Variants in ZCWPW2 observed in about 807,000 individuals in gnomAD.
The protein encoded by ZCWPW2 is zinc finger CW-type PWWP domain protein 2.
In ZCWPW2, 45 loss-of-function variants were observed where a neutral mutation model predicts 46.6. That is an observed-to-expected ratio of 0.96 (90% CI 0.76 to 1.24). The LOEUF is 1.24. ZCWPW2 is among the 50% of genes most tolerant of loss of function. The probability of loss-of-function intolerance (pLI) is 0.00; values close to 1 mark genes in which losing one functional copy is unlikely to be tolerated. For synonymous variants in ZCWPW2, 152 were observed against 137.1 expected (o/e 1.11, Z -0.76); for missense variants, 429 against 403.9 (o/e 1.06, Z -0.53).
intron 4 of ZCWPW2, among the ~76,000 whole-genome samples, chr3:28,443,769 A>C (rs566102348): frequency 6.6e-6 from 1 of 152,304 alleles, no homozygotes; most frequent in South Asian, 2.1e-4. Flanking sequence ...CATACAGAGA[A>C]GAGCAATTAC....
At chr3:28,496,677 A>AAATATTAT in intron 6 of ZCWPW2, among the ~76,000 whole-genome samples, 1 of 152,098 alleles carries the variant, frequency 6.6e-6, no homozygotes, top group East Asian at 1.9e-4. Context: ...GTTTTATATA[A>AAATATTAT]AATATTATAG....
chr3:28,476,759 G>A (rs898153427), intron 4 of ZCWPW2, among the ~76,000 whole-genome samples: 1 of 152,140 alleles, frequency 6.6e-6, no homozygotes, highest in African/African-American at 2.4e-5. Context: ...CACTGAGCTT[G>A]TTTTCCCGCA....
Position 28,384,610 on chromosome 3 carries a change from C to CTTTTT in ZCWPW2, c.-133-5885_-133-5884insTTTTT, listed in dbSNP as rs201820223. On this transcript the variant is annotated intron_variant, in intron 1 of 9. Transcript: ENST00000383768. ...GACACATTCAAGTTGACCAATCTTT[C>CTTTTT]TTTCTTTTTTTTTTTTTTTTGAGAC... Among the ~76,000 whole-genome samples, 5 of 143,524 alleles carry CTTTTT rather than the reference C, an allele frequency of 3.5e-5. 1 individual carries two copies. The highest frequency in any genetic ancestry group is 5.1e-5 in the African/African-American group (2 of 39,170). The allele number at this position is 143,524 out of a possible 152,430, so 94.2% of individuals were successfully genotyped here. A position where few individuals can be genotyped will look rare whatever the true frequency, so the allele number is the denominator to read the frequency against.
chr3:28,467,374 A>G (rs1698864384), intron 4 of ZCWPW2, among the ~76,000 whole-genome samples: 3 of 152,062 alleles, frequency 2.0e-5, no homozygotes, highest in Admixed American at 2.0e-4. Flanking sequence ...GTCAGTAAGA[A>G]AAAGACCATT....
intron 3 of ZCWPW2, among the ~76,000 whole-genome samples, chr3:28,421,830 TAGTTTGTG>T (rs1466421171): frequency 8.5e-6 from 1 of 117,706 alleles, no homozygotes; most frequent in African/African-American, 3.2e-5. Flanking sequence ...TGTTGGAGAA[TAGTTTGTG>T]TGTGTGTGTG....
At chr3:28,393,510 C>A (rs1695578207) in intron 2 of ZCWPW2, among the ~76,000 whole-genome samples, 1 of 152,006 alleles carries the variant, frequency 6.6e-6, no homozygotes, top group South Asian at 2.1e-4. Flanking sequence ...AGGTCAATAT[C>A]CCTGATGAAC....
intron 1 of ZCWPW2, among the ~76,000 whole-genome samples, chr3:28,365,294 G>C (rs555983923): frequency 7.4e-6 from 1 of 134,628 alleles, no homozygotes; most frequent in Non-Finnish European, 1.7e-5. Flanking sequence ...TAACATTTAA[G>C]TCTTTAATCC....
At chr3:28,405,708 G>A (rs143288305) in intron 2 of ZCWPW2, among the ~76,000 whole-genome samples, 21 of 151,874 alleles carry the variant, frequency 1.4e-4, no homozygotes, top group African/African-American at 3.9e-4. Flanking sequence ...ACTCCTGACC[G>A]TGTGATCTGC....
intron 4 of ZCWPW2, among the ~76,000 whole-genome samples, chr3:28,436,328 T>C (rs1312899627): frequency 6.9e-6 from 1 of 144,812 alleles, no homozygotes; most frequent in Non-Finnish European, 1.5e-5. Context: ...TTTTTCTTTT[T>C]TTTTTTTTTT....
At chr3:28,516,515 C>T (rs1004776626) in intron 8 of ZCWPW2, among the ~76,000 whole-genome samples, 18 of 152,084 alleles carry the variant, frequency 1.2e-4, no homozygotes, top group African/African-American at 4.3e-4. Context: ...AGGCAATTTC[C>T]TCCTTCTACA....
At chr3:28,357,280 T>C (rs910645205) in intron 1 of ZCWPW2, among the ~76,000 whole-genome samples, 5 of 152,214 alleles carry the variant, frequency 3.3e-5, no homozygotes, top group Non-Finnish European at 7.3e-5. Flanking sequence ...ATTTTTCAAA[T>C]ACGTTGTGTA....
chr3:28,412,605 A>G (rs908402704), intron 2 of ZCWPW2, among the ~76,000 whole-genome samples: 2 of 152,004 alleles, frequency 1.3e-5, no homozygotes, highest in Non-Finnish European at 2.9e-5. Flanking sequence ...TCTTAGCTTC[A>G]GTTTTGTCTG....
intron 4 of ZCWPW2, among the ~76,000 whole-genome samples, chr3:28,452,957 AT>A (rs1470067894): frequency 6.6e-6 from 1 of 152,198 alleles, no homozygotes; most frequent in Non-Finnish European, 1.5e-5. Flanking sequence ...CTAGTTGATC[AT>A]CTTATTCTTT....
At chr3:28,434,484 T>G (rs190903034) in intron 3 of ZCWPW2, among the ~76,000 whole-genome samples, 2 of 152,230 alleles carry the variant, frequency 1.3e-5, no homozygotes, top group African/African-American at 2.4e-5. Flanking sequence ...ATGTTTGTTT[T>G]TAATAAAGAA....
At chr3:28,434,903 A>G (rs1349140760) in intron 3 of ZCWPW2, among the ~76,000 whole-genome samples, 1 of 152,074 alleles carries the variant, frequency 6.6e-6, no homozygotes, top group Non-Finnish European at 1.5e-5. Context: ...TAAACTTGTG[A>G]CCATTTCAAA....
chr3:28,496,981 CG>C (rs928933876), intron 6 of ZCWPW2, among the ~76,000 whole-genome samples: 8 of 149,672 alleles, frequency 5.3e-5, no homozygotes, highest in African/African-American at 2.0e-4. Flanking sequence ...TATATAAATA[CG>C]TAAGTACTTA....
At chr3:28,480,161 G>A (rs923328324) in intron 5 of ZCWPW2, among the ~76,000 whole-genome samples, 2 of 152,136 alleles carry the variant, frequency 1.3e-5, no homozygotes, top group African/African-American at 4.8e-5. Flanking sequence ...TTACACAATG[G>A]TTGAACTAAT....
At chr3:28,376,979 A>G (rs890468680) in intron 1 of ZCWPW2, among the ~76,000 whole-genome samples, 1 of 152,116 alleles carries the variant, frequency 6.6e-6, no homozygotes. Flanking sequence ...TTGAAATTAT[A>G]TTCTTTATTC....
intron 1 of ZCWPW2, among the ~76,000 whole-genome samples, chr3:28,350,646 A>G (rs1704514548): frequency 6.7e-6 from 1 of 148,936 alleles, no homozygotes; most frequent in Non-Finnish European, 1.5e-5. Context: ...TTTAGCTGCA[A>G]ATGGTCACTT....
Sources: gnomAD v4.1 joint callset for allele counts (sites outside exome capture counted in the v4.1 genomes callset) on GRCh38, gnomAD v4.1.1 for gene constraint, MANE v1.5 for transcripts, NCBI Gene and HGNC (gene_info 2026-07-23, HGNC 2026-07-21) for gene names.